SDK1: variants seen among roughly 807,000 people sequenced by gnomAD.
SDK1 encodes the protein sidekick cell adhesion molecule 1, also known as protein sidekick-1.
SDK1 carries 157 observed loss-of-function variants against 245.5 expected under a neutral mutation model. The ratio of observed to expected loss-of-function variants is 0.64; its 90% CI spans 0.56 to 0.73. The LOEUF (loss-of-function observed/expected upper bound fraction) is 0.73, where lower values mean the gene tolerates loss of function less well. Ranked by LOEUF, SDK1 falls within the 30% of genes least tolerant of loss-of-function variation. SDK1 has a pLI of 0.00. For missense variants in SDK1, 3,583 were observed against 3,002.3 expected (o/e 1.19, Z -4.52); for synonymous variants, 1,647 against 1,278.5 (o/e 1.29, Z -6.15).
chr7:3,445,468 A>C (rs543011857), intron 1 of SDK1, among the ~76,000 whole-genome samples: 30 of 152,336 alleles, frequency 2.0e-4, no homozygotes, highest in African/African-American at 7.0e-4. Flanking sequence ...AGTTATTCAC[A>C]TGACTGAAGT....
At chr7:3,479,892 A>G (rs1411518504) in intron 1 of SDK1, among the ~76,000 whole-genome samples, 2 of 151,964 alleles carry the variant, frequency 1.3e-5, no homozygotes, top group Non-Finnish European at 2.9e-5. Flanking sequence ...TTTTTCATTA[A>G]ATGAGAGACC....
At chr7:3,504,023 G>A (rs1231722887) in intron 1 of SDK1, among the ~76,000 whole-genome samples, 2 of 151,844 alleles carry the variant, frequency 1.3e-5, no homozygotes, top group African/African-American at 2.4e-5. Context: ...GGTGGCACGT[G>A]CCTGTAGTCT....
intron 1 of SDK1, among the ~76,000 whole-genome samples, chr7:3,484,066 C>G (rs184421078): frequency 2.0e-4 from 31 of 152,276 alleles, no homozygotes; most frequent in African/African-American, 6.7e-4. Context: ...TGGGGATACT[C>G]CAAATATTCT....
chr7:4,015,512 T>C (rs1393157147), intron 16 of SDK1, among the ~76,000 whole-genome samples: 1 of 152,194 alleles, frequency 6.6e-6, no homozygotes, highest in Non-Finnish European at 1.5e-5. Context: ...TGGAAATACC[T>C]GTCACACAGG....
At chr7:3,513,333 T>A (rs1404325435) in intron 1 of SDK1, among the ~76,000 whole-genome samples, 1 of 152,196 alleles carries the variant, frequency 6.6e-6, no homozygotes, top group South Asian at 2.1e-4. Flanking sequence ...ATATGCTATA[T>A]AGAGGAAGAC....
intron 22 of SDK1, among the ~76,000 whole-genome samples, chr7:4,080,202 G>A (rs1272585564): frequency 1.3e-5 from 2 of 152,052 alleles, no homozygotes; most frequent in Non-Finnish European, 2.9e-5. Flanking sequence ...GGGAGAGCTG[G>A]GGGCGGGTTC....
chr7:3,858,556 C>T (rs1780605323), intron 5 of SDK1, among the ~76,000 whole-genome samples: 3 of 152,098 alleles, frequency 2.0e-5, no homozygotes, highest in Admixed American at 2.0e-4. Context: ...GGGTATTTGA[C>T]CCACCTTTCC....
chr7:3,633,427 A>G (rs977344371), intron 2 of SDK1, among the ~76,000 whole-genome samples: 1 of 152,120 alleles, frequency 6.6e-6, no homozygotes. Context: ...CAGTGCTTGG[A>G]AAGGACTGCT....
At chr7:3,952,781 C>T (rs972962490) in intron 7 of SDK1, among the ~76,000 whole-genome samples, 2 of 151,962 alleles carry the variant, frequency 1.3e-5, no homozygotes, top group East Asian at 3.9e-4. Flanking sequence ...ATTAAGTACA[C>T]TGGAGTTGCC....
intron 14 of SDK1, among the ~76,000 whole-genome samples, chr7:4,007,724 C>A (rs1223192689): frequency 6.6e-6 from 1 of 152,154 alleles, no homozygotes; most frequent in East Asian, 1.9e-4. Context: ...CTGTCTCAGC[C>A]TCCTGAGTAG....
chr7:3,866,569 G>A (rs1323730302), intron 5 of SDK1, among the ~76,000 whole-genome samples: 4 of 152,160 alleles, frequency 2.6e-5, no homozygotes, highest in Non-Finnish European at 5.9e-5. Flanking sequence ...GAATTTTGAG[G>A]AGAGGCTCTC....
intron 20 of SDK1, among the ~76,000 whole-genome samples, chr7:4,072,901 C>T (rs7802320): frequency 0.014 from 2,075 of 152,322 alleles, 45 homozygotes; most frequent in African/African-American, 0.048. Context: ...GGGGCGGCTG[C>T]GCCTGCCCGA....
chr7:3,665,146 A>G (rs1255445367), intron 4 of SDK1, among the ~76,000 whole-genome samples: 2 of 152,146 alleles, frequency 1.3e-5, no homozygotes. Flanking sequence ...GGCCCTTCCT[A>G]TGTGAAGTAG....
chr7:3,487,434 GA>G (rs1055483019), intron 1 of SDK1, among the ~76,000 whole-genome samples: 5 of 150,924 alleles, frequency 3.3e-5, no homozygotes, highest in South Asian at 2.1e-4. Flanking sequence ...TCAGGAGGAG[GA>G]AAAAAAAATC....
chr7:4,145,824 C>G lies in SDK1; in HGVS notation c.4331C>G (p.Pro1444Arg). The G allele has an allele frequency of 6.2e-7, 1 of 1,613,828 alleles. No individual in the cohort carries two copies. The highest frequency in any genetic ancestry group is 8.5e-7 in the Non-Finnish European group (1 of 1,179,940). Residue 1444 changes from proline to arginine, a missense_variant, in exon 29 of 45, where the codon CCG becomes CGG. By Grantham distance (103) the Pro-to-Arg change is moderately radical. Transcript: ENST00000404826. ...CAGTTCACAGCCACCGACCTGGCCC[C>G]GGAGTCCGCATACATCTTCAGGCTG... ...VRQFTATDLA[P>R]ESAYIFRLSA... is the part of the protein sequence containing the mutation.
chr7:3,403,266 G>C (rs965616569), intron 1 of SDK1, among the ~76,000 whole-genome samples: 2 of 152,072 alleles, frequency 1.3e-5, no homozygotes, highest in Non-Finnish European at 2.9e-5. Flanking sequence ...TTACTTATTA[G>C]AAGATCTCTA....
chr7:3,750,978 A>G (rs184920319), intron 4 of SDK1, among the ~76,000 whole-genome samples: 156 of 152,286 alleles, frequency 1.0e-3, no homozygotes, highest in African/African-American at 3.7e-3. Flanking sequence ...CGGGTGCAGA[A>G]TCTTTACCTT....
At position 3,559,794 on chromosome 7, in the gene SDK1, C is replaced by G. The variant is rs1382134530; in HGVS notation, c.299-59286C>G. ...AAAAACACAAAAATCTAAACGGAAA[C>G]AAGCACAGATGAACTTAATGTCAGT... On this transcript the variant is annotated intron_variant, in intron 1 of 44. Coordinates refer to ENST00000404826, the MANE Select transcript of SDK1 (RefSeq NM_152744.4). 2.0e-5 allele frequency among the ~76,000 whole-genome samples: 3 copies of G among 148,032 alleles called. No individual in the cohort carries two copies. The East Asian group carries it at 5.9e-4, about 29-fold the overall frequency.
intron 1 of SDK1, among the ~76,000 whole-genome samples, chr7:3,594,309 A>G (rs1231952262): frequency 1.3e-5 from 2 of 152,222 alleles, no homozygotes; most frequent in African/African-American, 4.8e-5. Flanking sequence ...TTGCAGATTA[A>G]TAAAGTGTGT....
Sources: allele counts gnomAD v4.1 joint callset (sites outside exome capture counted in the v4.1 genomes callset), GRCh38; gene constraint gnomAD v4.1.1; transcripts MANE v1.5; gene names NCBI Gene and HGNC (gene_info 2026-07-23, HGNC 2026-07-21).